The following NFIB variants were observed in gnomAD, a reference collection of about 807,000 sequenced individuals.
NFIB encodes nuclear factor 1 B-type.
NFIB carries 11 observed loss-of-function variants against 61.5 expected under a neutral mutation model. That is an observed-to-expected ratio of 0.18 (90% CI 0.11 to 0.30). The LOEUF is 0.30. Ranked by LOEUF, NFIB falls within the 10% of genes least tolerant of loss-of-function variation. The probability of loss-of-function intolerance (pLI) is 1.00; values close to 1 mark genes in which losing one functional copy is unlikely to be tolerated. For synonymous variants in NFIB, 260 were observed against 216.5 expected, an observed-to-expected ratio of 1.20 and a Z score of -1.76; for missense variants, 471 against 608.9, an observed-to-expected ratio of 0.77 and a Z score of 2.38.
the NFIB span, among the ~76,000 whole-genome samples, chr9:14,438,332 T>C: frequency 1.3e-5 from 2 of 152,216 alleles, no homozygotes; most frequent in South Asian, 2.1e-4. Flanking sequence ...TGCTAAATAG[T>C]CTTACGTGTG....
intron 6 of NFIB, among the ~76,000 whole-genome samples, chr9:14,137,620 C>T (rs1417407718): frequency 6.6e-6 from 1 of 152,084 alleles, no homozygotes; most frequent in Non-Finnish European, 1.5e-5. Flanking sequence ...TGTCTAAGAC[C>T]ACACCAGTAT....
At chr9:14,298,545 A>C (rs1248147296) in intron 2 of NFIB, among the ~76,000 whole-genome samples, 1 of 152,130 alleles carries the variant, frequency 6.6e-6, no homozygotes, top group Non-Finnish European at 1.5e-5. Flanking sequence ...CTCTTGTAGC[A>C]AGGAGGGCTG....
intron 2 of NFIB, among the ~76,000 whole-genome samples, chr9:14,247,872 T>C (rs1382615576): frequency 6.6e-6 from 1 of 152,092 alleles, no homozygotes; most frequent in African/African-American, 2.4e-5. Flanking sequence ...AAATCTACAG[T>C]AGATATCTGC....
At chr9:14,112,401 A>G (rs1217504047) in intron 10 of NFIB, among the ~76,000 whole-genome samples, 4 of 152,198 alleles carry the variant, frequency 2.6e-5, no homozygotes, top group Admixed American at 1.3e-4. Flanking sequence ...TACAGCATTA[A>G]TGAGATGTGA....
At chr9:14,310,573 GT>G (rs2060233201) in intron 1 of NFIB, among the ~76,000 whole-genome samples, 1 of 151,892 alleles carries the variant, frequency 6.6e-6, no homozygotes, top group South Asian at 2.1e-4. Context: ...GGTGATTAAG[GT>G]TTTCAAATAT....
the NFIB span, among the ~76,000 whole-genome samples, chr9:14,512,714 C>T: frequency 6.6e-6 from 1 of 151,418 alleles, no homozygotes; most frequent in African/African-American, 2.4e-5. Flanking sequence ...CTCCTTTCTT[C>T]CCTCTTGTGT....
the NFIB span, among the ~76,000 whole-genome samples, chr9:14,515,783 C>A: frequency 6.6e-6 from 1 of 152,200 alleles, no homozygotes; most frequent in Non-Finnish European, 1.5e-5. Flanking sequence ...TTCTGCATTT[C>A]CCACAAGCCT....
At chr9:14,492,354 C>A in the NFIB span, among the ~76,000 whole-genome samples, 1 of 141,564 alleles carries the variant, frequency 7.1e-6, no homozygotes, top group Admixed American at 7.4e-5. Flanking sequence ...CAGAGTGAGA[C>A]TTTGCCTCAA....
chr9:14,294,895 G>C (rs143361033), intron 2 of NFIB, among the ~76,000 whole-genome samples: 12 of 152,252 alleles, frequency 7.9e-5, no homozygotes, highest in African/African-American at 2.9e-4. Context: ...CCTGTGCAAA[G>C]TGAGGGGTGC....
the NFIB span, among the ~76,000 whole-genome samples, chr9:14,436,577 A>G: frequency 6.6e-6 from 1 of 152,214 alleles, no homozygotes; most frequent in Non-Finnish European, 1.5e-5. Flanking sequence ...TCTTCTTAGG[A>G]TACGCATTCA....
intron 1 of NFIB, among the ~76,000 whole-genome samples, chr9:14,323,405 C>T (rs529484868): frequency 6.6e-6 from 1 of 152,054 alleles, no homozygotes; most frequent in South Asian, 2.1e-4. Context: ...TAATGCAATT[C>T]TTTTCATGTT....
intron 1 of NFIB, among the ~76,000 whole-genome samples, chr9:14,349,887 A>G (rs931048823): frequency 6.6e-5 from 10 of 152,158 alleles, no homozygotes; most frequent in Admixed American, 4.6e-4. Context: ...CATCCTGTCA[A>G]TATTGGCTCT....
At position 14,085,664 on chromosome 9, in the gene NFIB, C is replaced by A. The variant is rs1209790831; in HGVS notation, c.*2645G>T. On this transcript the variant is annotated 3_prime_UTR_variant, in exon 11 of 11. Transcript: ENST00000380953. ...AATCTATCAGTCCAAATACATTCAACAATAGCAACCCTCTGTTCAATCTTC... is the reference window on the plus strand; with the variant it reads ...AATCTATCAGTCCAAATACATTCAAAAATAGCAACCCTCTGTTCAATCTTC... 1 of 220,018 alleles carries A rather than the reference C, an allele frequency of 4.5e-6. No homozygotes were observed. Among genetic ancestry groups the A allele is most frequent in the East Asian group, 6.7e-5 (1 of 14,920 alleles). 13.6% of individuals were successfully genotyped at this position (220,018 alleles called of 1,614,324 possible).
the NFIB span, among the ~76,000 whole-genome samples, chr9:14,477,964 C>T: frequency 9.2e-5 from 14 of 152,042 alleles, no homozygotes; most frequent in Admixed American, 5.9e-4. Flanking sequence ...ACCACCCCAC[C>T]CCCCATTCTA....
intron 6 of NFIB, among the ~76,000 whole-genome samples, chr9:14,132,630 C>T (rs1312434509): frequency 6.6e-6 from 1 of 152,012 alleles, no homozygotes; most frequent in Non-Finnish European, 1.5e-5. Context: ...TGCAGTGGCA[C>T]AATCATGGCT....
Position 14,155,230 on chromosome 9 carries a change from C to G in NFIB, c.685+595G>C, listed in dbSNP as rs183337955. Reference sequence around the variant, plus strand: ...GGTAACGTCCCCTTTGCTTAGGTAGCCTGCCAGGTGAGCTTAGCCTAGAAA... The same window carrying G: ...GGTAACGTCCCCTTTGCTTAGGTAGGCTGCCAGGTGAGCTTAGCCTAGAAA... On this transcript the variant is annotated intron_variant, in intron 4 of 10. Coordinates refer to ENST00000380953, the MANE Select transcript of NFIB (RefSeq NM_001190737.2). 3.9e-4 allele frequency among the ~76,000 whole-genome samples: 59 copies of G among 152,234 alleles called. 1 individual carries two copies. The East Asian group carries it at 0.011, about 29-fold the overall frequency.
At chr9:14,453,865 A>T in the NFIB span, among the ~76,000 whole-genome samples, 53,465 of 151,768 alleles carry the variant, frequency 0.35, 9,893 homozygotes, top group Middle Eastern at 0.45. Flanking sequence ...GGTGGATCAC[A>T]GGGTCAGGAG....
the NFIB span, among the ~76,000 whole-genome samples, chr9:14,523,696 A>T: frequency 9.3e-3 from 1,410 of 152,190 alleles, 20 homozygotes; most frequent in African/African-American, 0.032. Flanking sequence ...AACCTTTTCC[A>T]AACTCTCTAA....
intron 1 of NFIB, among the ~76,000 whole-genome samples, chr9:14,325,184 A>G (rs1161206273): frequency 6.6e-6 from 1 of 152,078 alleles, no homozygotes; most frequent in Non-Finnish European, 1.5e-5. Flanking sequence ...TAAATTATAA[A>G]TAATTATTCA....
Sources: gnomAD v4.1 joint callset for allele counts (sites outside exome capture counted in the v4.1 genomes callset) on GRCh38, gnomAD v4.1.1 for gene constraint, MANE v1.5 for transcripts, NCBI Gene and HGNC (gene_info 2026-07-23, HGNC 2026-07-21) for gene names.